Variants in EYS observed in about 807,000 individuals in gnomAD.
The protein encoded by EYS is protein eyes shut homolog.
In EYS, 250 loss-of-function variants were observed where a neutral mutation model predicts 282.1. The ratio of observed to expected loss-of-function variants is 0.89; its 90% confidence interval spans 0.80 to 0.98. The LOEUF is 0.98. Among genes scored for constraint, EYS ranks in the 50% least tolerant of loss-of-function variants. EYS has a pLI of 0.00. For missense variants in EYS, 4,016 were observed against 3,709.0 expected, an observed-to-expected ratio of 1.08 and a Z score of -2.15; for synonymous variants, 1,355 against 1,282.9, an observed-to-expected ratio of 1.06 and a Z score of -1.20.
At chr6:64,562,685 A>C (rs559645907) in intron 26 of EYS, among the ~76,000 whole-genome samples, 2 of 152,072 alleles carry the variant, frequency 1.3e-5, no homozygotes, top group Admixed American at 6.5e-5. Context: ...AAAAAAATAG[A>C]AGATTGTTAT....
At chr6:65,347,560 ATT>A (rs33935472) in intron 9 of EYS, among the ~76,000 whole-genome samples, 68,066 of 146,876 alleles carry the variant, frequency 0.46, 16,101 homozygotes, top group South Asian at 0.55. Flanking sequence ...TTCCCCATCC[ATT>A]TTTTTTTTTT....
chr6:64,400,039 GAAAT>G (rs1459003942), intron 28 of EYS, among the ~76,000 whole-genome samples: 3 of 151,814 alleles, frequency 2.0e-5, no homozygotes, highest in African/African-American at 4.8e-5. Context: ...TATGATTTTT[GAAAT>G]AAATAAATGA....
chr6:63,801,366 G>A lies in EYS; in HGVS notation c.7411+4824C>T, dbSNP rs754734365. Among the ~76,000 whole-genome samples the A allele has an allele frequency of 4.5e-4, 68 of 152,262 alleles. No individual in the cohort carries two copies. The Middle Eastern group carries it at 0.01, about 23-fold the overall frequency. ...TGAAATGGAGAGAGACCAGGACCTC[G>A]TCTGTCTTGTTAATAACTGCTTCCC... On this transcript the variant is annotated intron_variant, in intron 37 of 42. Coordinates refer to ENST00000503581, the MANE Select transcript of EYS (RefSeq NM_001142800.2).
chr6:64,004,076 C>T (rs1313869521), intron 33 of EYS, among the ~76,000 whole-genome samples: 2 of 152,120 alleles, frequency 1.3e-5, no homozygotes, highest in Admixed American at 1.3e-4. Context: ...ACTTGTAGAA[C>T]TTATGTTAGA....
intron 22 of EYS, among the ~76,000 whole-genome samples, chr6:64,745,507 G>T (rs1038262622): frequency 6.6e-6 from 1 of 151,042 alleles, no homozygotes; most frequent in Non-Finnish European, 1.5e-5. Flanking sequence ...CTCTATCAAG[G>T]TTCCAAAATA....
chr6:65,037,883 TA>T (rs1174241065), intron 13 of EYS, among the ~76,000 whole-genome samples: 2 of 151,700 alleles, frequency 1.3e-5, no homozygotes, highest in African/African-American at 2.4e-5. Context: ...GCCTGTGTAT[TA>T]AAAAACATGA....
chr6:64,018,769 T>TTG (rs1769022956), intron 33 of EYS, among the ~76,000 whole-genome samples: 1 of 115,646 alleles, frequency 8.6e-6, no homozygotes, highest in Non-Finnish European at 1.8e-5. Context: ...GTTTTTTTTT[T>TTG]TTTTTTTTTT....
intron 14 of EYS, among the ~76,000 whole-genome samples, chr6:64,971,299 G>GA (rs70999181): frequency 1.3e-5 from 2 of 149,988 alleles, no homozygotes; most frequent in East Asian, 2.0e-4. Context: ...TCCTATTCTA[G>GA]AAAAAAAAAA....
At chr6:64,614,062 AAT>A (rs1767190796) in intron 24 of EYS, among the ~76,000 whole-genome samples, 1 of 152,148 alleles carries the variant, frequency 6.6e-6, no homozygotes, top group East Asian at 1.9e-4. Flanking sequence ...ACTGAGACCT[AAT>A]TATAGGACTG....
At chr6:64,440,413 C>A (rs1774900825) in intron 26 of EYS, among the ~76,000 whole-genome samples, 1 of 151,946 alleles carries the variant, frequency 6.6e-6, no homozygotes, top group Non-Finnish European at 1.5e-5. Context: ...AAATAAGGTT[C>A]AAAATAGTGC....
intron 12 of EYS, among the ~76,000 whole-genome samples, chr6:65,250,819 C>CAA (rs35312986): frequency 1.4e-5 from 2 of 145,536 alleles, no homozygotes; most frequent in Non-Finnish European, 3.0e-5. Flanking sequence ...CAGTAACATC[C>CAA]AAAAAAAAAA....
intron 2 of EYS, among the ~76,000 whole-genome samples, chr6:65,533,861 A>C (rs1322297640): frequency 6.6e-6 from 1 of 152,120 alleles, no homozygotes; most frequent in Non-Finnish European, 1.5e-5. Flanking sequence ...TGAATAGACT[A>C]AGACACTCAC....
At chr6:65,431,139 G>A (rs148750091) in intron 5 of EYS, among the ~76,000 whole-genome samples, 33 of 152,258 alleles carry the variant, frequency 2.2e-4, no homozygotes, top group African/African-American at 7.7e-4. Context: ...TCCAGATTGT[G>A]GACAAGATCA....
chr6:64,580,004 C>G (rs1479644636), intron 26 of EYS, among the ~76,000 whole-genome samples: 1 of 152,076 alleles, frequency 6.6e-6, no homozygotes, highest in African/African-American at 2.4e-5. Flanking sequence ...CCTTAGGAAC[C>G]AGGCACATTA....
intron 35 of EYS, among the ~76,000 whole-genome samples, chr6:63,919,474 T>C (rs1206104121): frequency 6.6e-6 from 1 of 151,936 alleles, no homozygotes; most frequent in African/African-American, 2.4e-5. Flanking sequence ...CCCCTTTGTA[T>C]CTAATTCAAA....
rs902796320 is a variant in EYS, at chr6:65,349,947, T to C, written c.1459+3511A>G. On this transcript the variant is annotated intron_variant, in intron 9 of 42. Coordinates refer to ENST00000503581, the MANE Select transcript of EYS (RefSeq NM_001142800.2). ...ATTTTAGTCCAATGCATTTTAACAT[T>C]TTAATTCTTGTTTGTAAGAAATATT... 5.3e-5 allele frequency among the ~76,000 whole-genome samples: 8 copies of C among 151,564 alleles called. No homozygotes were observed. In the Admixed American group the frequency reaches 5.3e-4, roughly 10 times the overall value.
At chr6:64,425,875 G>A (rs930854073) in intron 28 of EYS, among the ~76,000 whole-genome samples, 1 of 151,870 alleles carries the variant, frequency 6.6e-6, no homozygotes, top group Non-Finnish European at 1.5e-5. Flanking sequence ...TGTGTGAATG[G>A]GGAAGGAAGG....
intron 18 of EYS, among the ~76,000 whole-genome samples, chr6:64,888,473 AAAAT>A (rs1175136527): frequency 1.6e-4 from 25 of 152,060 alleles, no homozygotes; most frequent in African/African-American, 5.8e-4. Flanking sequence ...GTGTAAATGA[AAAAT>A]AAAATTAATA....
intron 35 of EYS, among the ~76,000 whole-genome samples, chr6:63,970,894 A>G (rs909728989): frequency 6.6e-6 from 1 of 152,220 alleles, no homozygotes; most frequent in African/African-American, 2.4e-5. Flanking sequence ...CTGCAAATAC[A>G]ATATGAATGC....
Sources: allele counts gnomAD v4.1 joint callset (sites outside exome capture counted in the v4.1 genomes callset), GRCh38; gene constraint gnomAD v4.1.1; transcripts MANE v1.5; gene names NCBI Gene and HGNC (gene_info 2026-07-23, HGNC 2026-07-21).